The following BPTF variants were observed in gnomAD, a reference collection of about 807,000 sequenced individuals.
BPTF encodes bromodomain PHD finger transcription factor.
In BPTF, 18 loss-of-function variants were observed where a neutral mutation model predicts 292.5. The ratio of observed to expected loss-of-function variants is 0.06; its 90% CI spans 0.04 to 0.09. The LOEUF is 0.09. Ranked by LOEUF, BPTF falls within the 10% of genes least tolerant of loss-of-function variation. The pLI is 1.00. For synonymous variants in BPTF, 1,225 were observed against 1,251.9 expected (o/e 0.98, Z 0.45); for missense variants, 2,726 against 3,498.7 (o/e 0.78, Z 5.57).
chr17:67,923,542 G>A (rs552669860), intron 14 of BPTF, among the ~76,000 whole-genome samples: 2 of 131,492 alleles, frequency 1.5e-5, no homozygotes, highest in South Asian at 2.5e-4. Flanking sequence ...GAGTGCAGTG[G>A]CATGATCTCG....
intron 26 of BPTF, chr17:67,973,988 T>C (rs781852770): frequency 4.6e-5 from 7 of 152,214 alleles, no homozygotes; most frequent in Non-Finnish European, 8.8e-5. Flanking sequence ...TTTTTTAATG[T>C]CTGACAGATA....
chr17:67,930,373 A>G (rs1234213724), intron 17 of BPTF, among the ~76,000 whole-genome samples: 1 of 151,550 alleles, frequency 6.6e-6, no homozygotes, highest in East Asian at 2.0e-4. Flanking sequence ...TAATTTTTGT[A>G]TTTTTAGTAG....
intron 4 of BPTF, among the ~76,000 whole-genome samples, chr17:67,879,191 G>A (rs1419559901): frequency 1.3e-5 from 2 of 148,328 alleles, no homozygotes; most frequent in African/African-American, 5.0e-5. Flanking sequence ...GCCCAGGCTG[G>A]AGTACAGTGG....
In BPTF at chr17:67,886,233, A is replaced by G. The variant is rs761568509; in HGVS notation, c.1865-5611A>G. 2 of 1,613,984 alleles carry G rather than the reference A, an allele frequency of 1.2e-6. No homozygotes were observed. Among genetic ancestry groups the G allele is most frequent in the South Asian group, 1.1e-5 (1 of 91,082 alleles). ...AGCAGCAGTGAACTAAATTCTTCCC[A>G]GAGTGAATCTGCTAAGGCAGCTGAT... On this transcript the variant is annotated intron_variant, in intron 4 of 27. Transcript: ENST00000306378.
chr17:67,832,854 C>A (rs986840656), intron 1 of BPTF, among the ~76,000 whole-genome samples: 1 of 137,492 alleles, frequency 7.3e-6, no homozygotes, highest in African/African-American at 2.8e-5. Flanking sequence ...GTGGCGGGAT[C>A]TCAGCTCACT....
At chr17:67,963,481 T>G in intron 24 of BPTF, 1 of 1,534,874 alleles carries the variant, frequency 6.5e-7, no homozygotes, top group Non-Finnish European at 8.7e-7. Flanking sequence ...GTACTGTATC[T>G]GCAGAACACC....
At chr17:67,861,705 G>T (rs1427662164) in intron 2 of BPTF, among the ~76,000 whole-genome samples, 1 of 152,042 alleles carries the variant, frequency 6.6e-6, no homozygotes, top group Non-Finnish European at 1.5e-5. Flanking sequence ...ACTTCCATTT[G>T]CCCTTAACCA....
intron 2 of BPTF, among the ~76,000 whole-genome samples, chr17:67,857,827 C>T (rs1169622491): frequency 6.9e-6 from 1 of 143,982 alleles, no homozygotes; most frequent in Admixed American, 7.1e-5. Flanking sequence ...CACTCTGTTG[C>T]CCCGGCTAGA....
intron 7 of BPTF, among the ~76,000 whole-genome samples, chr17:67,896,790 A>G (rs1202445531): frequency 6.6e-6 from 1 of 152,248 alleles, no homozygotes; most frequent in Admixed American, 6.5e-5. Flanking sequence ...AATTTGTCAC[A>G]TGCAATTAAA....
At chr17:67,855,480 A>G (rs954909674) in intron 2 of BPTF, among the ~76,000 whole-genome samples, 2 of 152,114 alleles carry the variant, frequency 1.3e-5, no homozygotes, top group Non-Finnish European at 2.9e-5. Context: ...GAAAATACCT[A>G]GTTGTCTAAG....
At chr17:67,982,117 C>A (rs1555696922) in intron 27 of BPTF, 135 bp from the exon 28 acceptor site, 1 of 800,972 alleles carries the variant, frequency 1.2e-6, no homozygotes, top group Non-Finnish European at 2.2e-6. Context: ...TCGTTCTTTT[C>A]TATTCGCTTG....
intron 11 of BPTF, among the ~76,000 whole-genome samples, chr17:67,916,601 T>C (rs2063008663): frequency 6.7e-6 from 1 of 148,890 alleles, no homozygotes; most frequent in African/African-American, 2.5e-5. Flanking sequence ...AAAAAAATAA[T>C]AATAATATAC....
chr17:67,949,660 GACATATATATATATACACACAGACAT>G (rs1568154954), intron 23 of BPTF, among the ~76,000 whole-genome samples: 4 of 42,022 alleles, frequency 9.5e-5, no homozygotes, highest in Admixed American at 4.2e-4. Context: ...TATACACACA[GACATATATATATATACACACAGACAT>G]ACATATATAT....
chr17:67,867,529 A>G (rs1015605125), intron 3 of BPTF, among the ~76,000 whole-genome samples: 8 of 151,986 alleles, frequency 5.3e-5, no homozygotes, highest in Admixed American at 2.0e-4. Context: ...CTTCATTCCA[A>G]TTTCCTTAGT....
At chr17:67,897,914 ATAAT>A (rs574547115) in intron 7 of BPTF, among the ~76,000 whole-genome samples, 4 of 152,168 alleles carry the variant, frequency 2.6e-5, no homozygotes, top group Non-Finnish European at 5.9e-5. Context: ...ATATTTATTA[ATAAT>A]TAATAGCAAA....
In BPTF at chr17:67,879,965, A is replaced by G. The variant is rs148926675; in HGVS notation, c.1864+4945A>G. On this transcript the variant is annotated intron_variant, in intron 4 of 27. Transcript: ENST00000306378. ...ATTTCAACATGAGATTTTTGGCAGG[A>G]CAAACATCTAAACTATCCAAACTAC... Among the ~76,000 whole-genome samples the G allele has an allele frequency of 4.1e-3, 619 of 152,304 alleles. 5 individuals carry two copies. The highest frequency in any genetic ancestry group is 0.014 in the African/African-American group (580 of 41,572).
intron 17 of BPTF, among the ~76,000 whole-genome samples, chr17:67,931,646 A>G (rs1252232319): frequency 1.3e-5 from 2 of 152,198 alleles, no homozygotes; most frequent in Non-Finnish European, 2.9e-5. Flanking sequence ...TCGCTGGCAC[A>G]TGCTCCTTCC....
At chr17:67,870,387 C>G (rs2059649898) in intron 3 of BPTF, among the ~76,000 whole-genome samples, 1 of 151,750 alleles carries the variant, frequency 6.6e-6, no homozygotes, top group African/African-American at 2.4e-5. Context: ...TCCTGTGGGC[C>G]AGGTGCTCAA....
At chr17:67,962,001 G>T (rs1351108949) in intron 24 of BPTF, among the ~76,000 whole-genome samples, 3 of 151,912 alleles carry the variant, frequency 2.0e-5, no homozygotes, top group Non-Finnish European at 2.9e-5. Context: ...AAAAAAGCCG[G>T]GCCTGGTGGC....
Sources: allele counts gnomAD v4.1 joint callset (sites outside exome capture counted in the v4.1 genomes callset), GRCh38; gene constraint gnomAD v4.1.1; transcripts MANE v1.5; gene names NCBI Gene and HGNC (gene_info 2026-07-23, HGNC 2026-07-21).